The following USP19 variants were observed in gnomAD, a reference collection of about 807,000 sequenced individuals.
USP19 encodes the protein ubiquitin carboxyl-terminal hydrolase 19.
In USP19, 40 loss-of-function variants were observed where a neutral mutation model predicts 144.8. The ratio of observed to expected loss-of-function variants is 0.28; its 90% CI spans 0.21 to 0.36. The LOEUF is 0.36. Ranked by LOEUF, USP19 falls within the 10% of genes least tolerant of loss-of-function variation. USP19 has a pLI of 1.00. For missense variants in USP19, 1,518 were observed against 1,822.5 expected, an observed-to-expected ratio of 0.83 and a Z score of 3.04; for synonymous variants, 701 against 709.3, an observed-to-expected ratio of 0.99 and a Z score of 0.19.
rs1490168078 is a variant in USP19 at position 49,110,763 on chromosome 3, G to A, written c.3646C>T (p.Arg1216Cys). The change falls in exon 24 of 27, where the codon CGT becomes TGT. Residue 1216 changes from arginine to cysteine, a missense_variant. By Grantham distance (180) the Arg-to-Cys change is radical (BLOSUM62 -3). Transcript: ENST00000417901. The surrounding 1 kb of genome is among the most constrained non-coding windows in gnomAD (Gnocchi z 6.1). ...ATCTTGTCACGCCAGATAAAACTAC[G>A]AAAGGAGAAGCGCTTGAGCTGCACG... ...LIVQLKRFSF[R>C]SFIWRDKIND... 3.7e-6 allele frequency: 6 copies of A among 1,614,056 alleles called. No homozygotes were observed. Among genetic ancestry groups the A allele is most frequent in the East Asian group, 2.2e-5 (1 of 44,902 alleles).
At position 49,117,906 on chromosome 3, in the gene USP19, C is replaced by T. The variant is rs1192947273; in HGVS notation, c.298+41G>A. ...GATGGGAGCCAAATTGCAAGTGCCCCCTCCCCTTCCCTAGCAACAAAAAGC... is the reference window on the plus strand; with the variant it reads ...GATGGGAGCCAAATTGCAAGTGCCCTCTCCCCTTCCCTAGCAACAAAAAGC... On this transcript the variant is annotated intron_variant, in intron 3 of 26. Transcript: ENST00000417901. The surrounding 1 kb of genome is among the most constrained non-coding windows in gnomAD (Gnocchi z 4.4). 2 of 1,613,002 alleles carry T rather than the reference C, an allele frequency of 1.2e-6. No individual in the cohort carries two copies. Among genetic ancestry groups the T allele is most frequent in the Non-Finnish European group, 1.7e-6 (2 of 1,179,720 alleles).
Position 49,114,913 on chromosome 3 carries a change from C to G in USP19, c.2182-40G>C. On this transcript the variant is annotated intron_variant, in intron 14 of 26. Coordinates refer to ENST00000417901, the MANE Select transcript of USP19 (RefSeq NM_001199161.2). The surrounding 1 kb of genome is among the most constrained non-coding windows in gnomAD (Gnocchi z 4.5). ...GGTGAGAACCAAAGAGTACCAGGGG[C>G]TGGGATGCTCATGAGACATGCCCAC... 6.2e-7 allele frequency: 1 copy of G among 1,614,180 alleles called. No individual in the cohort carries two copies. Among genetic ancestry groups the G allele is most frequent in the Non-Finnish European group, 8.5e-7 (1 of 1,180,034 alleles).
At position 49,110,568 on chromosome 3, in the gene USP19, T is replaced by C; in HGVS notation, c.3735A>G (p.Lys1245=). The C allele has an allele frequency of 6.2e-7, 1 of 1,614,014 alleles. No homozygotes were observed. The highest frequency in any genetic ancestry group is 1.1e-5 in the South Asian group (1 of 91,076). Residue 1245 remains lysine (K), a synonymous_variant, in exon 25 of 27, where the codon AAA becomes AAG. Transcript: ENST00000417901. This position sits in a 1 kb window ranked among gnomAD's most constrained non-coding sequence, Gnocchi z 6.1. The part of the protein sequence containing the change: ...LDLSKFCIGQ[K]EEQLPSYDLY... ...GATCGTAGCTGGGCAGCTGCTCCTC[T>C]TTCTGACCAATGCAGAACTTGCTCA...
At chr3:49,118,266 T>TTA (rs2044524096) in intron 2 of USP19, 146 bp from the exon 3 acceptor site, 4 of 217,144 alleles carry the variant, frequency 1.8e-5, no homozygotes, top group Admixed American at 6.3e-5. Context: ...ACCCTGCCTT[T>TTA]AAAAAAAAAA....
chr3:49,111,395 C>A lies in USP19; in HGVS notation c.3218-30G>T. 6.2e-7 allele frequency: 1 copy of A among 1,613,912 alleles called. No homozygotes were observed. Among genetic ancestry groups the A allele is most frequent in the Non-Finnish European group, 8.5e-7 (1 of 1,179,906 alleles). ...GTGAGAACATGATAATCAAAGCTTC[C>A]CTGCCCATCAGGGCCTCACCAGGCC... On this transcript the variant is annotated intron_variant, in intron 21 of 26. Coordinates refer to ENST00000417901, the MANE Select transcript of USP19 (RefSeq NM_001199161.2). The surrounding 1 kb of genome is among the most constrained non-coding windows in gnomAD (Gnocchi z 5.9).
rs757013289 is a variant in USP19, at chr3:49,114,332, T to C, written c.2293-48A>G. The C allele has an allele frequency of 6.9e-5, 108 of 1,573,658 alleles. No individual in the cohort carries two copies. Among genetic ancestry groups the C allele is most frequent in the Non-Finnish European group, 9.1e-5 (104 of 1,146,256 alleles). ...GGGTAGCTGCACACAGAGTGGGAGATAAGATGCTCATGCTCAGAGAGCCCA... is the reference window on the plus strand; with the variant it reads ...GGGTAGCTGCACACAGAGTGGGAGACAAGATGCTCATGCTCAGAGAGCCCA... On this transcript the variant is annotated intron_variant, in intron 15 of 26. Transcript: ENST00000417901. This position sits in a 1 kb window ranked among gnomAD's most constrained non-coding sequence, Gnocchi z 4.5.
chr3:49,112,618 A>G lies in USP19; in HGVS notation c.2517T>C (p.Asn839=). Residue 839 remains asparagine, a synonymous_variant, in exon 18 of 27, where the codon AAT becomes AAC. Transcript: ENST00000417901. The surrounding 1 kb of genome is among the most constrained non-coding windows in gnomAD (Gnocchi z 4.9). ...ENLRLAEVIK[N]RFHRVFLPSH... ...AGGGTAGGAACACACGATGAAAACG[A>G]TTCTTAATTACCTGGGGACAGAGAA... 6.2e-7 allele frequency: 1 copy of G among 1,613,106 alleles called. No homozygotes were observed. The highest frequency in any genetic ancestry group is 8.5e-7 in the Non-Finnish European group (1 of 1,179,374).
chr3:49,112,743 C>T lies in USP19; in HGVS notation c.2506-114G>A, dbSNP rs2043373556. ...GGGTCTATGTGGGCAGTGGTGAGGT[C>T]TGTAGGCCCAAATAGGCTTATGCCT... On this transcript the variant is annotated intron_variant, in intron 17 of 26. Transcript: ENST00000417901. This position sits in a 1 kb window ranked among gnomAD's most constrained non-coding sequence, Gnocchi z 4.9. 1 of 1,418,738 alleles carries T rather than the reference C, an allele frequency of 7.0e-7. No homozygotes were observed. Among genetic ancestry groups the T allele is most frequent in the African/African-American group, 1.4e-5 (1 of 69,670 alleles). 87.9% of individuals were successfully genotyped at this position (1,418,738 alleles called of 1,614,324 possible). A position where few individuals can be genotyped will look rare whatever the true frequency, so the allele number is the denominator to read the frequency against.
Position 49,114,542 on chromosome 3 carries a change from C to A in USP19, c.2292+221G>T, listed in dbSNP as rs2043763884. On this transcript the variant is annotated intron_variant, in intron 15 of 26. Transcript: ENST00000417901. The surrounding 1 kb of genome is among the most constrained non-coding windows in gnomAD (Gnocchi z 4.5). ...CACTTGCACCCCATGTGCCCACAAC[C>A]CTGCTACAACACCTTTGAGCTCTAA... is the stretch of plus-strand genomic sequence containing the variant. 6.6e-6 allele frequency among the ~76,000 whole-genome samples: 1 copy of A among 152,232 alleles called. No individual in the cohort carries two copies. The highest frequency in any genetic ancestry group is 1.5e-5 in the Non-Finnish European group (1 of 68,050).
At position 49,119,069 on chromosome 3, in the gene USP19, T is replaced by C. The variant is rs1000439231; in HGVS notation, c.77A>G (p.Gln26Arg). The change falls in exon 2 of 27, where the codon CAG becomes CGG. Residue 26 changes from glutamine to arginine, a missense_variant. Gln to Arg is a conservative substitution (Grantham distance 43). Transcript: ENST00000417901. ...GCTCTCCTGGTTTGCTCGATCCTTC[T>C]GCTTCTTCTTACTAGTGGTGTCCTC... ...GLEDTTSKKK[Q>R]KDRANQESKD... The C allele has an allele frequency of 1.2e-6, 2 of 1,614,100 alleles. No homozygotes were observed. The highest frequency in any genetic ancestry group is 2.7e-5 in the African/African-American group (2 of 74,946).
In USP19 at chr3:49,116,101, G is replaced by A. The variant is rs2044072466; in HGVS notation, c.1417C>T (p.Leu473Phe). The part of the protein sequence containing the change: ...CFTASRIDIC[L>F]RKRQSQRWGG... ...CAGCGCTGACTCTGCCTCTTACGAA[G>A]GCAGATGTCGATGCGAGAAGCCGTG... The change falls in exon 10 of 27, where the codon CTT becomes TTT. Residue 473 changes from leucine to phenylalanine, a missense_variant. Coordinates refer to ENST00000417901, the MANE Select transcript of USP19 (RefSeq NM_001199161.2). This position sits in a 1 kb window ranked among gnomAD's most constrained non-coding sequence, Gnocchi z 5.0. The A allele has an allele frequency of 6.2e-7, 1 of 1,613,154 alleles. No homozygotes were observed. Among genetic ancestry groups the A allele is most frequent in the Non-Finnish European group, 8.5e-7 (1 of 1,179,788 alleles).
In USP19 at chr3:49,116,642, C is replaced by A; in HGVS notation, c.1127-35G>T. Reference sequence around the variant, plus strand: ...GACCATGGCTCAGCCCCAACCAGGACAGGTTCCAGCCTATTGCTACTCTCT... The same window carrying A: ...GACCATGGCTCAGCCCCAACCAGGAAAGGTTCCAGCCTATTGCTACTCTCT... On this transcript the variant is annotated intron_variant, in intron 7 of 26. Transcript: ENST00000417901. The surrounding 1 kb of genome is among the most constrained non-coding windows in gnomAD (Gnocchi z 5.0). 2.5e-6 allele frequency: 4 copies of A among 1,613,360 alleles called. No homozygotes were observed. The highest frequency in any genetic ancestry group is 3.4e-6 in the Non-Finnish European group (4 of 1,179,562).
In USP19 at chr3:49,115,936, C is replaced by T. The variant is rs565130730; in HGVS notation, c.1480G>A (p.Gly494Ser). ...GTCGGCACGGCAACCTTTGCACCACCCACTGCACCTTAAAAAGGGGGAATG... is the reference window on the plus strand; with the variant it reads ...GTCGGCACGGCAACCTTTGCACCACTCACTGCACCTTAAAAAGGGGGAATG... ...LEAPAARGAV[G>S]GAKVAVPTGP... The change falls in exon 11 of 27, where the codon GGT becomes AGT. Residue 494 changes from glycine (G) to serine (S), a missense_variant. Gly to Ser is a moderately conservative substitution (Grantham distance 56). Coordinates refer to ENST00000417901, the MANE Select transcript of USP19 (RefSeq NM_001199161.2). The surrounding 1 kb of genome is among the most constrained non-coding windows in gnomAD (Gnocchi z 6.6). 6.4e-7 allele frequency: 1 copy of T among 1,554,882 alleles called. No individual in the cohort carries two copies. Among genetic ancestry groups the T allele is most frequent in the East Asian group, 2.3e-5 (1 of 44,440 alleles).
At chr3:49,109,228 A>G in intron 26 of USP19, 2 of 1,450,960 alleles carry the variant, frequency 1.4e-6, no homozygotes, top group Non-Finnish European at 1.8e-6. Context: ...GGGGGTGGGG[A>G]GGACCCAGTG....
At position 49,114,735 on chromosome 3, in the gene USP19, G is replaced by C; in HGVS notation, c.2292+28C>G. ...CCAGAATAGCTGAGCTGAACTAGGG[G>C]GTCTCTTTCCAGGGGAGCCCATCAC... On this transcript the variant is annotated intron_variant, in intron 15 of 26. Transcript: ENST00000417901. This position sits in a 1 kb window ranked among gnomAD's most constrained non-coding sequence, Gnocchi z 4.5. 2.5e-6 allele frequency: 4 copies of C among 1,608,312 alleles called. No homozygotes were observed. The highest frequency in any genetic ancestry group is 3.4e-6 in the Non-Finnish European group (4 of 1,174,954).
rs2044286103 is a variant in USP19, at chr3:49,117,144, C to A, written c.824G>T (p.Cys275Phe). 3 of 1,548,446 alleles carry A rather than the reference C, an allele frequency of 1.9e-6. No homozygotes were observed. The highest frequency in any genetic ancestry group is 2.7e-5 in the African/African-American group (2 of 73,040). ...GGACCCGTCCCCCTCTGGCCCTCTG[C>A]AGAGATGCACAGCCCTCTTGGCGCT... ...GPSAKRAVHLCRGPEGDGSRD... is the reference protein window; with the variant it reads ...GPSAKRAVHLFRGPEGDGSRD... The change falls in exon 6 of 27, where the codon TGC (cysteine) becomes TTC (phenylalanine). Residue 275 changes from cysteine (C) to phenylalanine (F), a missense_variant. By Grantham distance (205) the Cys-to-Phe change is radical. Around this residue, in one of 5 missense-constraint regions of USP19, gnomAD observed 707 missense variants for 728.9 expected, o/e 0.97. Coordinates refer to ENST00000417901, the MANE Select transcript of USP19 (RefSeq NM_001199161.2). The surrounding 1 kb of genome is among the most constrained non-coding windows in gnomAD (Gnocchi z 4.4).
chr3:49,119,220 T>C lies in USP19; in HGVS notation c.-75A>G, dbSNP rs1274068421. 1.3e-6 allele frequency: 2 copies of C among 1,529,818 alleles called. No homozygotes were observed. The highest frequency in any genetic ancestry group is 1.7e-6 in the Non-Finnish European group (2 of 1,144,256). 94.8% of individuals were successfully genotyped at this position (1,529,818 alleles called of 1,614,324 possible). A position where few individuals can be genotyped will look rare whatever the true frequency, so the allele number is the denominator to read the frequency against. ...TCTGGGTCAGGGCTGCGGCGCTTTC[T>C]TCCTGGCCCAGCTATCTTGGCAACT... On this transcript the variant is annotated 5_prime_UTR_variant, in exon 2 of 27. Transcript: ENST00000417901.
intron 1 of USP19, among the ~76,000 whole-genome samples, chr3:49,119,958 C>G (rs1178748454): frequency 6.6e-6 from 1 of 152,218 alleles, no homozygotes; most frequent in Non-Finnish European, 1.5e-5. Context: ...TCAGCAGCAA[C>G]CCTGCTCCAG....
Position 49,110,141 on chromosome 3 carries a change from G to C in USP19, c.4038+43C>G, listed in dbSNP as rs1559986364. The C allele has an allele frequency of 1.4e-6, 2 of 1,473,664 alleles. No individual in the cohort carries two copies. Among genetic ancestry groups the C allele is most frequent in the African/African-American group, 2.8e-5 (2 of 71,134 alleles). 91.3% of individuals were successfully genotyped at this position (1,473,664 alleles called of 1,614,324 possible). On this transcript the variant is annotated intron_variant, in intron 26 of 26. Transcript: ENST00000417901. The surrounding 1 kb of genome is among the most constrained non-coding windows in gnomAD (Gnocchi z 6.1). ...ATCCCCCAACCCGGCCCCAGTCTGT[G>C]AACTGTCCCCCAGTATTCTGTAAAG... is the stretch of plus-strand genomic sequence containing the variant.
Sources: allele counts gnomAD v4.1 joint callset (sites outside exome capture counted in the v4.1 genomes callset), GRCh38; gene constraint gnomAD v4.1.1; regional missense constraint gnomAD v4.1.1; non-coding constraint Gnocchi (gnomAD v3.1); transcripts MANE v1.5; gene names NCBI Gene and HGNC (gene_info 2026-07-23, HGNC 2026-07-21).